The following ST8SIA4 variants were observed in gnomAD, a reference collection of about 807,000 sequenced individuals.
ST8SIA4 encodes the protein ST8 alpha-N-acetyl-neuraminide alpha-2,8-sialyltransferase 4.
Under a neutral mutation model 33.9 loss-of-function variants are expected in ST8SIA4, and 15 were observed. That is an observed-to-expected ratio of 0.44 (90% CI 0.30 to 0.68). ST8SIA4 has a LOEUF of 0.68. ST8SIA4 is among the 30% of genes least tolerant of loss of function. The pLI, the probability that ST8SIA4 is intolerant of heterozygous loss-of-function variation, is 0.10. For synonymous variants in ST8SIA4, 171 were observed against 151.2 expected (o/e 1.13, Z -0.96); for missense variants, 321 against 428.0 (o/e 0.75, Z 2.21).
chr5:100,814,558 A>G (rs1699336878), intron 4 of ST8SIA4, among the ~76,000 whole-genome samples: 1 of 151,984 alleles, frequency 6.6e-6, no homozygotes, highest in South Asian at 2.1e-4. Flanking sequence ...CACCTTAATA[A>G]ATGGCATCAA....
rs536655080 is a variant in ST8SIA4 at position 100,810,559 on chromosome 5, G to A, written c.*1288C>T. The A allele has an allele frequency of 6.6e-6, 1 of 152,226 alleles. No homozygotes were observed. The highest frequency in any genetic ancestry group is 2.1e-4 in the South Asian group (1 of 4,828). 9.4% of individuals were successfully genotyped at this position (152,226 alleles called of 1,614,324 possible). A position where few individuals can be genotyped will look rare whatever the true frequency, so the allele number is the denominator to read the frequency against. On this transcript the variant is annotated 3_prime_UTR_variant, in exon 5 of 5. Coordinates refer to ENST00000231461, the MANE Select transcript of ST8SIA4 (RefSeq NM_005668.6). ...AAAATTATTATGTAATGCAAAAGGT[G>A]TGAAAAACATTTCAAATGAAAATAA... is the stretch of plus-strand genomic sequence containing the variant.
Position 100,859,792 on chromosome 5 carries a change from C to CA in ST8SIA4, c.504-3397dup, listed in dbSNP as rs978414153. ...ACCTCAAGATTACAGAATTCCCTAG[C>CA]AAAAAATCTCTCTTGGATTGGCCAT... On this transcript the variant is annotated intron_variant, in intron 3 of 4. Transcript: ENST00000231461. Among the ~76,000 whole-genome samples the CA allele has an allele frequency of 1.2e-3, 175 of 151,998 alleles. 1 individual carries two copies. Among genetic ancestry groups the CA allele is most frequent in the Non-Finnish European group, 1.5e-3 (101 of 67,910 alleles).
At chr5:100,886,227 T>C in intron 3 of ST8SIA4, 116 bp downstream of exon 3, 3 of 1,478,012 alleles carry the variant, frequency 2.0e-6, no homozygotes, top group South Asian at 2.8e-5. Flanking sequence ...AAGGATATCA[T>C]AGACAAATAT....
chr5:100,849,964 A>G (rs1751656136), intron 4 of ST8SIA4, among the ~76,000 whole-genome samples: 1 of 152,208 alleles, frequency 6.6e-6, no homozygotes, highest in Non-Finnish European at 1.5e-5. Context: ...GTCCTTTGCA[A>G]TCACTACAAA....
In ST8SIA4 at chr5:100,895,640, G is replaced by A; in HGVS notation, c.245+14C>T. 1 of 1,602,554 alleles carries A rather than the reference G, an allele frequency of 6.2e-7. No individual in the cohort carries two copies. The highest frequency in any genetic ancestry group is 1.3e-5 in the African/African-American group (1 of 74,460). ...ATGATGTGAAATTTATTATGCCTTAGTAAAGAAACTCACCTTATCTCTAGG... is the reference window on the plus strand; with the variant it reads ...ATGATGTGAAATTTATTATGCCTTAATAAAGAAACTCACCTTATCTCTAGG... On this transcript the variant is annotated intron_variant, in intron 2 of 4. Transcript: ENST00000231461.
chr5:100,882,916 T>C (rs541177855), intron 3 of ST8SIA4, among the ~76,000 whole-genome samples: 2 of 152,356 alleles, frequency 1.3e-5, no homozygotes, highest in South Asian at 4.1e-4. Context: ...AGAAGTTCGC[T>C]GCAGGGGCGG....
chr5:100,858,884 CA>C (rs1751874023), intron 3 of ST8SIA4, among the ~76,000 whole-genome samples: 1 of 151,996 alleles, frequency 6.6e-6, no homozygotes, highest in African/African-American at 2.4e-5. Context: ...CAGGAAATAA[CA>C]AGACAGAAGA....
chr5:100,899,865 C>A (rs17161136), intron 1 of ST8SIA4, among the ~76,000 whole-genome samples: 11,536 of 152,244 alleles, frequency 0.076, 860 homozygotes, highest in African/African-American at 0.17. Context: ...AATGCCTTCA[C>A]TGCTCTTCAA....
At chr5:100,841,534 A>C (rs1252805187) in intron 4 of ST8SIA4, among the ~76,000 whole-genome samples, 1 of 151,962 alleles carries the variant, frequency 6.6e-6, no homozygotes, top group East Asian at 1.9e-4. Context: ...ACACTAGAAA[A>C]TTCTGTAGCG....
chr5:100,824,622 A>G (rs1751100590), intron 4 of ST8SIA4, among the ~76,000 whole-genome samples: 1 of 152,146 alleles, frequency 6.6e-6, no homozygotes, highest in Non-Finnish European at 1.5e-5. Context: ...ACTCTGTTAT[A>G]TATCTCTAAG....
At chr5:100,838,437 A>C (rs940935217) in intron 4 of ST8SIA4, among the ~76,000 whole-genome samples, 4 of 152,052 alleles carry the variant, frequency 2.6e-5, no homozygotes, top group Admixed American at 2.6e-4. Context: ...TATAAGATAA[A>C]TGAAAGAAAT....
Position 100,811,075 on chromosome 5 carries a change from G to A in ST8SIA4, c.*772C>T, listed in dbSNP as rs1750806535. On this transcript the variant is annotated 3_prime_UTR_variant, in exon 5 of 5. Coordinates refer to ENST00000231461, the MANE Select transcript of ST8SIA4 (RefSeq NM_005668.6). ...GCCTGCAGTCCCAGCTACTCCGGAG[G>A]CTGAGGCAGGAGAATGGAGTGAACT... 1 of 152,008 alleles carries A rather than the reference G, an allele frequency of 6.6e-6. No homozygotes were observed. Among genetic ancestry groups the A allele is most frequent in the African/African-American group, 2.4e-5 (1 of 41,300 alleles). The allele number at this position is 152,008 out of a possible 1,614,324, so 9.4% of individuals were successfully genotyped here.
intron 1 of ST8SIA4, among the ~76,000 whole-genome samples, chr5:100,902,203 A>G (rs974259022): frequency 6.6e-6 from 1 of 152,216 alleles, no homozygotes; most frequent in African/African-American, 2.4e-5. Flanking sequence ...TAAAAAAAAT[A>G]GCAGAAATAT....
chr5:100,900,139 A>G (rs552786490), intron 1 of ST8SIA4, among the ~76,000 whole-genome samples: 11 of 151,964 alleles, frequency 7.2e-5, no homozygotes, highest in Admixed American at 5.2e-4. Flanking sequence ...TGCGGGGGGG[A>G]AGGGTCGAAG....
chr5:100,901,249 C>A (rs1332518969), intron 1 of ST8SIA4, among the ~76,000 whole-genome samples: 1 of 152,196 alleles, frequency 6.6e-6, no homozygotes, highest in Non-Finnish European at 1.5e-5. Flanking sequence ...CTCACTCGCT[C>A]CGCCCACTCC....
intron 4 of ST8SIA4, among the ~76,000 whole-genome samples, chr5:100,815,668 G>C (rs1289729200): frequency 6.6e-6 from 1 of 151,940 alleles, no homozygotes; most frequent in Non-Finnish European, 1.5e-5. Context: ...CAAAATATTA[G>C]TTCAATTTCT....
chr5:100,839,741 A>G (rs1046566108), intron 4 of ST8SIA4, among the ~76,000 whole-genome samples: 2 of 151,838 alleles, frequency 1.3e-5, no homozygotes, highest in African/African-American at 4.8e-5. Flanking sequence ...ATCATACATC[A>G]AAAAGAAATG....
intron 1 of ST8SIA4, among the ~76,000 whole-genome samples, chr5:100,900,861 C>T (rs1255727627): frequency 6.6e-6 from 1 of 152,214 alleles, no homozygotes; most frequent in South Asian, 2.1e-4. Context: ...ATTCTTTCCC[C>T]CTCGCCGCCG....
intron 3 of ST8SIA4, among the ~76,000 whole-genome samples, chr5:100,879,174 A>G (rs146474411): frequency 0.011 from 1,707 of 152,214 alleles, 18 homozygotes; most frequent in Middle Eastern, 0.02. Flanking sequence ...ATGAACTTCA[A>G]TTGGTCACTA....
Sources: allele counts gnomAD v4.1 joint callset (sites outside exome capture counted in the v4.1 genomes callset), GRCh38; gene constraint gnomAD v4.1.1; transcripts MANE v1.5; gene names NCBI Gene and HGNC (gene_info 2026-07-23, HGNC 2026-07-21).